Variants in LPCAT3 observed in about 807,000 individuals in gnomAD.
The protein encoded by LPCAT3 is lysophosphatidylcholine acyltransferase 3, also known as lysophospholipid acyltransferase 5.
In LPCAT3, 21 loss-of-function variants were observed where a neutral mutation model predicts 63.4. The ratio of observed to expected loss-of-function variants is 0.33; its 90% confidence interval spans 0.23 to 0.48. The LOEUF (loss-of-function observed/expected upper bound fraction) is 0.48, where lower values mean the gene tolerates loss of function less well. Ranked by LOEUF, LPCAT3 falls within the 20% of genes least tolerant of loss-of-function variation. LPCAT3 has a pLI of 0.99. For synonymous variants in LPCAT3, 242 were observed against 227.5 expected (o/e 1.06, Z -0.58); for missense variants, 451 against 590.6 (o/e 0.76, Z 2.45).
intron 1 of LPCAT3, among the ~76,000 whole-genome samples, chr12:7,013,890 C>T (rs782109477): frequency 6.6e-6 from 1 of 152,254 alleles, no homozygotes; most frequent in Non-Finnish European, 1.5e-5. Flanking sequence ...TGTTCCCTAT[C>T]ACCTACGTGA....
At chr12:7,016,875 T>TA (rs1555157646) in intron 1 of LPCAT3, among the ~76,000 whole-genome samples, 2 of 152,308 alleles carry the variant, frequency 1.3e-5, no homozygotes, top group African/African-American at 4.8e-5. Context: ...TTTAAAATCT[T>TA]ACGATTCCAC....
At chr12:7,014,601 G>T (rs1388775157) in intron 1 of LPCAT3, among the ~76,000 whole-genome samples, 1 of 151,140 alleles carries the variant, frequency 6.6e-6, no homozygotes, top group African/African-American at 2.4e-5. Context: ...TTGCAGCCTC[G>T]GCTGGGCGCG....
intron 2 of LPCAT3, 149 bp downstream of exon 2, chr12:6,983,283 A>T: frequency 1.6e-6 from 1 of 639,696 alleles, no homozygotes; most frequent in Non-Finnish European, 2.8e-6. Flanking sequence ...AGGAAAAGTT[A>T]AGCTGTGTTC....
At chr12:6,989,122 C>CA (rs782103069) in intron 1 of LPCAT3, among the ~76,000 whole-genome samples, 1,519 of 132,560 alleles carry the variant, frequency 0.011, 19 homozygotes, top group African/African-American at 0.033. Flanking sequence ...AACTCCATCT[C>CA]AAAAAAAAAA....
chr12:6,983,113 C>A (rs1347230398), intron 2 of LPCAT3: 1 of 499,866 alleles, frequency 2.0e-6, no homozygotes, highest in African/African-American at 2.0e-5. Context: ...TTTTGAATGT[C>A]TGAAGTGAAG....
chr12:7,003,196 A>G (rs1343846147), intron 1 of LPCAT3, among the ~76,000 whole-genome samples: 1 of 152,136 alleles, frequency 6.6e-6, no homozygotes, highest in Non-Finnish European at 1.5e-5. Flanking sequence ...GGCTCAAATA[A>G]AAACCATTTT....
chr12:6,993,159 G>C (rs771219605), intron 1 of LPCAT3, among the ~76,000 whole-genome samples: 1 of 151,932 alleles, frequency 6.6e-6, no homozygotes, highest in African/African-American at 2.4e-5. Context: ...AAAGGTTGTC[G>C]CCGGGCATGG....
rs372008825 is a variant in LPCAT3, at chr12:7,003,328, G to A, written c.151+14946C>T. On this transcript the variant is annotated intron_variant, in intron 1 of 12. Transcript: ENST00000261407. ...CAAAAAGCTCTTCCTTTTCTCTGAAGAATTTATTGAGTGCTTTGGGAGTAG... is the reference window on the plus strand; with the variant it reads ...CAAAAAGCTCTTCCTTTTCTCTGAAAAATTTATTGAGTGCTTTGGGAGTAG... Among the ~76,000 whole-genome samples, 89 of 149,542 alleles carry A rather than the reference G, an allele frequency of 6.0e-4. 2 individuals carry two copies. The East Asian group carries it at 0.014, about 24-fold the overall frequency.
In LPCAT3 at chr12:6,976,801, C is replaced by T. The variant is rs1262920791; in HGVS notation, c.*103G>A. ...CACAGCTGGAAGCATCGATCTTCCA[C>T]CTCCCTGGCTTTTCCATTCTCTGCT... On this transcript the variant is annotated 3_prime_UTR_variant, in exon 13 of 13. Coordinates refer to ENST00000261407, the MANE Select transcript of LPCAT3 (RefSeq NM_005768.6). 5.2e-6 allele frequency: 1 copy of T among 190,570 alleles called. No individual in the cohort carries two copies. The highest frequency in any genetic ancestry group is 1.1e-5 in the Non-Finnish European group (1 of 91,268). The allele number at this position is 190,570 out of a possible 1,614,324, so 11.8% of individuals were successfully genotyped here.
chr12:7,001,391 A>G, intron 1 of LPCAT3: 1 of 454,212 alleles, frequency 2.2e-6, no homozygotes, highest in East Asian at 6.9e-5. Flanking sequence ...TTTAAAAAAA[A>G]TAATCAACCA....
rs1269551630 is a variant in LPCAT3, at chr12:7,017,826, G to GA, written c.151+447dup. Among the ~76,000 whole-genome samples, 1 of 152,234 alleles carries GA rather than the reference G, an allele frequency of 6.6e-6. No homozygotes were observed. The highest frequency in any genetic ancestry group is 1.5e-5 in the Non-Finnish European group (1 of 68,034). Reference sequence around the variant, plus strand: ...TAAGCAAAACAGGCGCTCAGAATATGAAATATGGAATATGGGGCTGAAAAG... The same window carrying GA: ...TAAGCAAAACAGGCGCTCAGAATATGAAAATATGGAATATGGGGCTGAAAAG... On this transcript the variant is annotated intron_variant, in intron 1 of 12. Transcript: ENST00000261407. The surrounding 1 kb of genome is among the most constrained non-coding windows in gnomAD (Gnocchi z 4.1).
chr12:6,978,958 T>C (rs1379125385), intron 7 of LPCAT3: 4 of 440,548 alleles, frequency 9.1e-6, no homozygotes, highest in African/African-American at 6.0e-5. Context: ...GTTGGCAAAG[T>C]GTTTGGAATG....
At chr12:6,981,514 T>A in intron 5 of LPCAT3, 81 bp downstream of exon 5, 1 of 1,388,656 alleles carries the variant, frequency 7.2e-7, no homozygotes, top group African/African-American at 1.4e-5. Context: ...GCTCTGGAAT[T>A]TGGGTTCAGT....
intron 1 of LPCAT3, among the ~76,000 whole-genome samples, chr12:7,004,439 G>A (rs1946712438): frequency 1.3e-5 from 2 of 152,226 alleles, no homozygotes. Context: ...AGAGGAAGCT[G>A]AAGCACAGAC....
In LPCAT3 at chr12:6,978,681, G is replaced by A; in HGVS notation, c.795C>T (p.Pro265=). 1 of 1,614,140 alleles carries A rather than the reference G, an allele frequency of 6.2e-7. No homozygotes were observed. The highest frequency in any genetic ancestry group is 1.1e-5 in the South Asian group (1 of 91,066). ...YLLTEDYDNH[P]FWFRCMYMLI... The stretch of plus-strand genomic sequence containing the variant: ...GCATGTACATGCAGCGGAACCAGAA[G>A]GGGTGGTTCTTGAGGGAAGAAAGCA... The change falls in exon 8 of 13, where the codon CCC becomes CCT. Residue 265 remains proline (P), a synonymous_variant. Transcript: ENST00000261407.
chr12:6,984,979 G>T (rs782668225), intron 1 of LPCAT3, among the ~76,000 whole-genome samples: 9 of 150,188 alleles, frequency 6.0e-5, no homozygotes, highest in African/African-American at 2.0e-4. Context: ...AAAACGCTTA[G>T]AATAGTATCA....
intron 7 of LPCAT3, chr12:6,979,158 G>T: frequency 2.6e-6 from 1 of 386,930 alleles, no homozygotes; most frequent in East Asian, 4.9e-5. Context: ...GAAGAAAATA[G>T]GATGGAGAAT....
intron 4 of LPCAT3, 49 bp from the exon 5 acceptor site, chr12:6,981,681 G>C (rs1856370943): frequency 6.4e-7 from 1 of 1,563,416 alleles, no homozygotes; most frequent in Non-Finnish European, 8.8e-7. Flanking sequence ...AGGACACTGA[G>C]GATGTGGCCT....
At chr12:7,008,159 T>C (rs1555156990) in intron 1 of LPCAT3, among the ~76,000 whole-genome samples, 1 of 152,094 alleles carries the variant, frequency 6.6e-6, no homozygotes, top group Admixed American at 6.6e-5. Flanking sequence ...CTTTTTTTAG[T>C]GTGTTACTCT....
Sources: gnomAD v4.1 joint callset for allele counts (sites outside exome capture counted in the v4.1 genomes callset) on GRCh38, gnomAD v4.1.1 for gene constraint, Gnocchi (gnomAD v3.1) non-coding constraint, MANE v1.5 for transcripts, NCBI Gene and HGNC (gene_info 2026-07-23, HGNC 2026-07-21) for gene names.